TMEM255B: variants seen among roughly 807,000 people sequenced by gnomAD.
The protein encoded by TMEM255B is family with sequence similarity 70, member B.
Under a neutral mutation model 34.5 loss-of-function variants are expected in TMEM255B, and 35 were observed. The observed-to-expected ratio is 1.01, with a 90% confidence interval of 0.77 to 1.34. TMEM255B has a LOEUF of 1.34. Among genes scored for constraint, TMEM255B ranks in the 40% most tolerant of loss-of-function variants. The pLI, the probability that TMEM255B is intolerant of heterozygous loss-of-function variation, is 0.00. For synonymous variants in TMEM255B, 206 were observed against 201.2 expected (o/e 1.02, Z -0.20); for missense variants, 432 against 433.2 (o/e 1.00, Z 0.02).
At position 113,815,639 on chromosome 13, in the gene TMEM255B, A is replaced by C. The variant is rs2051393165; in HGVS notation, c.*3736A>C. 1 of 153,594 alleles carries C rather than the reference A, an allele frequency of 6.5e-6. No homozygotes were observed. Among genetic ancestry groups the C allele is most frequent in the African/African-American group, 2.4e-5 (1 of 41,446 alleles). 9.5% of individuals were successfully genotyped at this position (153,594 alleles called of 1,614,324 possible). Reference sequence around the variant, plus strand: ...TTTCTCTTGCTCCTGCCGTGTAAGAAGTGCCTTTTGCCTCCCACCGTGATT... The same window carrying C: ...TTTCTCTTGCTCCTGCCGTGTAAGACGTGCCTTTTGCCTCCCACCGTGATT... On this transcript the variant is annotated 3_prime_UTR_variant, in exon 9 of 9. Coordinates refer to ENST00000375353, the MANE Select transcript of TMEM255B (RefSeq NM_182614.4).
At chr13:113,798,479 GGATGGTTGGAT>G (rs902386330) in intron 4 of TMEM255B, among the ~76,000 whole-genome samples, 2 of 150,670 alleles carry the variant, frequency 1.3e-5, no homozygotes, top group African/African-American at 4.9e-5. Flanking sequence ...GATGATGGAT[GGATGGTTGGAT>G]GATGGTTGGA....
chr13:113,771,678 C>T (rs2050480677), intron 3 of TMEM255B, among the ~76,000 whole-genome samples: 1 of 151,938 alleles, frequency 6.6e-6, no homozygotes, highest in Admixed American at 6.6e-5. Context: ...GACTCTGTCT[C>T]AAATAATAAT....
intron 3 of TMEM255B, among the ~76,000 whole-genome samples, chr13:113,779,272 T>C (rs1244351161): frequency 6.6e-6 from 1 of 152,214 alleles, no homozygotes; most frequent in Non-Finnish European, 1.5e-5. Context: ...AAGATGGCGA[T>C]GTTCTTGCTC....
intron 3 of TMEM255B, among the ~76,000 whole-genome samples, chr13:113,784,624 C>T (rs148442008): frequency 6.6e-6 from 1 of 152,256 alleles, no homozygotes; most frequent in East Asian, 1.9e-4. Flanking sequence ...CCATTGTGAG[C>T]GGTTGGAGGT....
At chr13:113,810,043 T>TAC (rs1459140942) in intron 8 of TMEM255B, among the ~76,000 whole-genome samples, 1 of 152,180 alleles carries the variant, frequency 6.6e-6, no homozygotes, top group African/African-American at 2.4e-5. Flanking sequence ...CAGCCTTACC[T>TAC]ACACCTGTGC....
intron 4 of TMEM255B, among the ~76,000 whole-genome samples, chr13:113,797,991 C>G (rs544598545): frequency 6.6e-6 from 1 of 152,348 alleles, no homozygotes; most frequent in African/African-American, 2.4e-5. Flanking sequence ...CCATTTGGCA[C>G]TGTGTCTGCT....
intron 2 of TMEM255B, chr13:113,768,388 C>G (rs2050425403): frequency 5.1e-6 from 2 of 393,816 alleles, no homozygotes; most frequent in Non-Finnish European, 1.1e-5. Flanking sequence ...GGCCTCTGTT[C>G]TAAGACAGCA....
At chr13:113,778,566 C>T (rs1312212693) in intron 3 of TMEM255B, among the ~76,000 whole-genome samples, 8 of 148,760 alleles carry the variant, frequency 5.4e-5, no homozygotes, top group East Asian at 2.0e-4. Flanking sequence ...AATGATATGA[C>T]GATGATCACC....
rs1383697474 is a variant in TMEM255B, at chr13:113,803,910, C to T, written c.670-975C>T. ...TCATCACCCTGTCCCGGGGTTTTCA[C>T]CGTGTCCCCGGGTTGTCACCGTGTC... On this transcript the variant is annotated intron_variant, in intron 7 of 8. Coordinates refer to ENST00000375353, the MANE Select transcript of TMEM255B (RefSeq NM_182614.4). Among the ~76,000 whole-genome samples, 5 of 151,238 alleles carry T rather than the reference C, an allele frequency of 3.3e-5. No individual in the cohort carries two copies. The East Asian group carries it at 9.6e-4, about 29-fold the overall frequency.
intron 4 of TMEM255B, among the ~76,000 whole-genome samples, chr13:113,796,734 C>T (rs2050948464): frequency 6.6e-6 from 1 of 152,226 alleles, no homozygotes; most frequent in South Asian, 2.1e-4. Flanking sequence ...TCAGCTGGTC[C>T]CCGGGAGCAG....
intron 3 of TMEM255B, among the ~76,000 whole-genome samples, chr13:113,788,580 G>A (rs1048584308): frequency 2.6e-5 from 4 of 152,194 alleles, no homozygotes; most frequent in South Asian, 2.1e-4. Context: ...GATTTATGGC[G>A]TACACAGCCA....
chr13:113,807,825 T>TG (rs1307219134), intron 8 of TMEM255B, among the ~76,000 whole-genome samples: 1 of 116,108 alleles, frequency 8.6e-6, no homozygotes, highest in Admixed American at 8.9e-5. Context: ...TTACGGGATG[T>TG]GGGGGGTGGT....
chr13:113,799,868 A>T, intron 5 of TMEM255B: 1 of 966,766 alleles, frequency 1.0e-6, no homozygotes, highest in Non-Finnish European at 1.5e-6. Context: ...CGCCTTCGCC[A>T]GGACCGTCGG....
At chr13:113,798,907 T>G (rs1297415819) in intron 4 of TMEM255B, among the ~76,000 whole-genome samples, 1 of 152,192 alleles carries the variant, frequency 6.6e-6, no homozygotes, top group African/African-American at 2.4e-5. Flanking sequence ...GGTGGATGAT[T>G]GGATGGTTGG....
At chr13:113,809,559 G>C (rs1378209711) in intron 8 of TMEM255B, among the ~76,000 whole-genome samples, 5 of 97,904 alleles carry the variant, frequency 5.1e-5, no homozygotes, top group Non-Finnish European at 7.8e-5. Context: ...GTGGTTCCTG[G>C]GGGGAGGGGT....
At position 113,811,742 on chromosome 13, in the gene TMEM255B, A is replaced by G. The variant is rs780784386; in HGVS notation, c.820A>G (p.Ser274Gly). The change falls in exon 9 of 9, where the codon AGC becomes GGC. Residue 274 changes from serine (S) to glycine (G), a missense_variant. Ser to Gly is a moderately conservative substitution (Grantham distance 56). Coordinates refer to ENST00000375353, the MANE Select transcript of TMEM255B (RefSeq NM_182614.4). Reference sequence around the variant, plus strand: ...CCCTCTCTGTTTATTGCAGCCCTGCAGCCGCTTCCCAGTTGCGCCCTCCTC... The same window carrying G: ...CCCTCTCTGTTTATTGCAGCCCTGCGGCCGCTTCCCAGTTGCGCCCTCCTC... The part of the protein sequence containing the change: ...SSYPLPLQPC[S>G]RFPVAPSSAL... 5.0e-6 allele frequency: 8 copies of G among 1,613,590 alleles called. No individual in the cohort carries two copies. In the South Asian group the frequency reaches 6.6e-5, roughly 13 times the overall value.
chr13:113,791,858 G>A (rs1175041303), intron 3 of TMEM255B, among the ~76,000 whole-genome samples: 1 of 152,244 alleles, frequency 6.6e-6, no homozygotes, highest in Non-Finnish European at 1.5e-5. Context: ...GCCCCTCTGC[G>A]TGCTTGCATC....
At chr13:113,800,077 TG>T in intron 5 of TMEM255B, 3 of 1,187,726 alleles carry the variant, frequency 2.5e-6, no homozygotes, top group Non-Finnish European at 3.2e-6. Flanking sequence ...TGTGTGTGTG[TG>T]TTTATGTGTG....
intron 3 of TMEM255B, 71 bp from the exon 4 acceptor site, chr13:113,795,077 T>G: frequency 2.8e-6 from 4 of 1,440,168 alleles, no homozygotes; most frequent in Non-Finnish European, 3.9e-6. Flanking sequence ...GAGCTGGGAC[T>G]TTGAATTGGT....
Sources: gnomAD v4.1 joint callset for allele counts (sites outside exome capture counted in the v4.1 genomes callset) on GRCh38, gnomAD v4.1.1 for gene constraint, MANE v1.5 for transcripts, NCBI Gene and HGNC (gene_info 2026-07-23, HGNC 2026-07-21) for gene names.